The following POLR3B variants were observed in gnomAD, a reference collection of about 807,000 sequenced individuals.
POLR3B encodes the protein DNA-directed RNA polymerase III subunit RPC2.
In POLR3B, 96 loss-of-function variants were observed where a neutral mutation model predicts 147.4. The ratio of observed to expected loss-of-function variants is 0.65; its 90% confidence interval spans 0.55 to 0.77. POLR3B has a LOEUF of 0.77. Ranked by LOEUF, POLR3B falls within the 30% of genes least tolerant of loss-of-function variation. POLR3B has a pLI of 0.00. For synonymous variants in POLR3B, 461 were observed against 485.9 expected, an observed-to-expected ratio of 0.95 and a Z score of 0.67; for missense variants, 1,036 against 1,413.5, an observed-to-expected ratio of 0.73 and a Z score of 4.28.
rs1237535958 is a variant in POLR3B at position 106,410,772 on chromosome 12, G to A, written c.967-54G>A. 86 of 1,489,126 alleles carry A rather than the reference G, an allele frequency of 5.8e-5. 1 individual carries two copies. The highest frequency in any genetic ancestry group is 7.2e-5 in the Non-Finnish European group (77 of 1,068,714). The allele number at this position is 1,489,126 out of a possible 1,614,324, so 92.2% of individuals were successfully genotyped here. ...AGTATTGATACTTTTCTTGAGGTAC[G>A]TTAAATTTTAATGTCCATTTTCTCA... On this transcript the variant is annotated intron_variant, in intron 11 of 27. Transcript: ENST00000228347.
intron 13 of POLR3B, 96 bp from the exon 14 acceptor site, chr12:106,430,177 T>G (rs1182425817): frequency 5.8e-6 from 5 of 865,762 alleles, no homozygotes; most frequent in Non-Finnish European, 1.0e-5. Context: ...TTCGTAAGCA[T>G]GAAGCTCCTG....
intron 10 of POLR3B, among the ~76,000 whole-genome samples, chr12:106,395,725 T>A (rs919370307): frequency 6.6e-6 from 1 of 152,124 alleles, no homozygotes; most frequent in African/African-American, 2.4e-5. Flanking sequence ...ATGCCTGTAA[T>A]CCAGAGGCCG....
rs772074660 is a variant in POLR3B, at chr12:106,363,867, C to T, written c.73-3C>T. On this transcript the variant is annotated splice_polypyrimidine_tract_variant and splice_region_variant and intron_variant, in intron 1 of 27. Coordinates refer to ENST00000228347, the MANE Select transcript of POLR3B (RefSeq NM_018082.6). ...CTGATATTCTTCTTGTTTTGGCTCA[C>T]AGGAAAAATGGAGGCTGCTTCCAGC... is the stretch of plus-strand genomic sequence containing the variant. 2.6e-5 allele frequency: 42 copies of T among 1,606,542 alleles called. No homozygotes were observed. Among genetic ancestry groups the T allele is most frequent in the Non-Finnish European group, 3.2e-5 (37 of 1,173,766 alleles).
intron 23 of POLR3B, among the ~76,000 whole-genome samples, chr12:106,464,659 A>G (rs1158894354): frequency 6.6e-6 from 1 of 151,986 alleles, no homozygotes; most frequent in African/African-American, 2.4e-5. Context: ...TTTTTTTTTG[A>G]TATATACTTA....
chr12:106,469,693 T>TGAA (rs1266790557), intron 23 of POLR3B, among the ~76,000 whole-genome samples: 1 of 152,186 alleles, frequency 6.6e-6, no homozygotes, highest in Non-Finnish European at 1.5e-5. Flanking sequence ...GGATTTTATT[T>TGAA]CTCCTTCACT....
intron 12 of POLR3B, among the ~76,000 whole-genome samples, chr12:106,420,258 AG>A (rs1440950185): frequency 2.0e-5 from 3 of 152,150 alleles, no homozygotes; most frequent in Admixed American, 6.5e-5. Flanking sequence ...TGTTTGCTTC[AG>A]GGATCAGCCA....
chr12:106,409,728 A>G (rs2037200436), intron 11 of POLR3B, among the ~76,000 whole-genome samples: 1 of 148,622 alleles, frequency 6.7e-6, no homozygotes, highest in Admixed American at 6.7e-5. Context: ...GATAAATTTT[A>G]TAAAAGAGAT....
chr12:106,413,229 CA>C (rs1450408922), intron 12 of POLR3B, among the ~76,000 whole-genome samples: 1 of 151,988 alleles, frequency 6.6e-6, no homozygotes, highest in Non-Finnish European at 1.5e-5. Flanking sequence ...TTGATTTCCC[CA>C]ATGTTTTCTT....
At chr12:106,446,725 A>T (rs2037731008) in intron 19 of POLR3B, among the ~76,000 whole-genome samples, 2 of 152,244 alleles carry the variant, frequency 1.3e-5, no homozygotes, top group Admixed American at 1.3e-4. Flanking sequence ...GGAAGACAAA[A>T]GCCACTGAAT....
At chr12:106,476,805 TG>T (rs921542884) in intron 23 of POLR3B, among the ~76,000 whole-genome samples, 64 of 152,276 alleles carry the variant, frequency 4.2e-4, no homozygotes, top group African/African-American at 1.2e-3. Context: ...TCTTTGCCTT[TG>T]GTTTGAATGT....
chr12:106,455,407 TTTGGCATTAATG>T (rs1413955488), intron 20 of POLR3B, among the ~76,000 whole-genome samples: 1 of 152,186 alleles, frequency 6.6e-6, no homozygotes, highest in African/African-American at 2.4e-5. Flanking sequence ...GACATGTGTC[TTTGGCATTAATG>T]TTGGCCACAC....
chr12:106,366,467 C>T (rs760544455), intron 2 of POLR3B, 49 bp from the exon 3 acceptor site: 4 of 1,225,194 alleles, frequency 3.3e-6, no homozygotes, highest in Non-Finnish European at 4.8e-6. Context: ...ATCATCAGTA[C>T]TCTTTGCACT....
chr12:106,390,466 C>T (rs1266798165), intron 9 of POLR3B, among the ~76,000 whole-genome samples: 1 of 151,880 alleles, frequency 6.6e-6, no homozygotes, highest in African/African-American at 2.4e-5. Context: ...ACTCAGTGTG[C>T]TTGAGCTAAG....
chr12:106,458,042 A>G (rs2037887204), intron 21 of POLR3B, among the ~76,000 whole-genome samples: 1 of 152,204 alleles, frequency 6.6e-6, no homozygotes, highest in Non-Finnish European at 1.5e-5. Flanking sequence ...CATGGTGCAC[A>G]TGAGTTGGTG....
chr12:106,381,856 G>A (rs1216983897), intron 9 of POLR3B: 4 of 152,226 alleles, frequency 2.6e-5, no homozygotes, highest in African/African-American at 9.6e-5. Context: ...GTTATTTCTT[G>A]ATTATATGCT....
intron 23 of POLR3B, among the ~76,000 whole-genome samples, chr12:106,468,078 G>A (rs2038031847): frequency 6.6e-6 from 1 of 152,126 alleles, no homozygotes; most frequent in Non-Finnish European, 1.5e-5. Flanking sequence ...AATCCGTCTG[G>A]TCCTGGACTT....
At position 106,430,347 on chromosome 12, in the gene POLR3B, A is replaced by G; in HGVS notation, c.1338A>G (p.Ile446Met). ...AAGTGCTGTCTCGCTTGTCATATAT[A>G]TCCGCACTGGGCATGATGACAAGAA... ...VTQVLSRLSY[I>M]SALGMMTRIS... Residue 446 changes from isoleucine (I) to methionine (M), a missense_variant, in exon 14 of 28, where the codon ATA (isoleucine) becomes ATG (methionine). This residue lies in a region of POLR3B where 89 missense variants were observed against 110.9 expected (regional missense o/e 0.80). Coordinates refer to ENST00000228347, the MANE Select transcript of POLR3B (RefSeq NM_018082.6). 1 of 1,614,018 alleles carries G rather than the reference A, an allele frequency of 6.2e-7. No homozygotes were observed. The highest frequency in any genetic ancestry group is 8.5e-7 in the Non-Finnish European group (1 of 1,179,900).
intron 23 of POLR3B, among the ~76,000 whole-genome samples, chr12:106,493,285 G>A (rs571967035): frequency 6.6e-6 from 1 of 152,126 alleles, no homozygotes; most frequent in Non-Finnish European, 1.5e-5. Flanking sequence ...ATATTGGAAT[G>A]GACTTTATGC....
At chr12:106,478,318 C>T (rs2038212096) in intron 23 of POLR3B, among the ~76,000 whole-genome samples, 4 of 152,200 alleles carry the variant, frequency 2.6e-5, no homozygotes, top group African/African-American at 9.7e-5. Flanking sequence ...TTTTTTCAGA[C>T]TGTTAATATG....
Sources: allele counts gnomAD v4.1 joint callset (sites outside exome capture counted in the v4.1 genomes callset), GRCh38; gene constraint gnomAD v4.1.1; regional missense constraint gnomAD v4.1.1; transcripts MANE v1.5; gene names NCBI Gene and HGNC (gene_info 2026-07-23, HGNC 2026-07-21).